CELF2: variants seen among roughly 807,000 people sequenced by gnomAD.
The protein encoded by CELF2 is CUGBP Elav-like family member 2.
Under a neutral mutation model 62.6 loss-of-function variants are expected in CELF2, and 8 were observed. The ratio of observed to expected loss-of-function variants is 0.13; its 90% CI spans 0.07 to 0.23. The LOEUF is 0.23. CELF2 is among the 10% of genes least tolerant of loss of function. The probability of loss-of-function intolerance (pLI) is 1.00; values close to 1 mark genes in which losing one functional copy is unlikely to be tolerated. For missense variants in CELF2, 333 were observed against 671.0 expected (o/e 0.50, Z 5.56); for synonymous variants, 258 against 250.0 (o/e 1.03, Z -0.30).
rs1288037276 is a variant in CELF2 at position 11,318,919 on chromosome 10, C to G, written c.1097-2270C>G. ...ACATGACAGGGCCTGAAAACTCCCA[C>G]CCGCAGCAGACAAGGCATCATGGTG... is the stretch of plus-strand genomic sequence containing the variant. On this transcript the variant is annotated intron_variant, in intron 10 of 12. Coordinates refer to ENST00000633077, the MANE Select transcript of CELF2 (RefSeq NM_001326342.2). This position sits in a 1 kb window ranked among gnomAD's most constrained non-coding sequence, Gnocchi z 5.4. 2 of 471,062 alleles carry G rather than the reference C, an allele frequency of 4.2e-6. No homozygotes were observed. The highest frequency in any genetic ancestry group is 2.0e-5 in the African/African-American group (1 of 50,060). 29.2% of individuals were successfully genotyped at this position (471,062 alleles called of 1,614,324 possible).
chr10:10,693,219 AG>A, the CELF2 span, among the ~76,000 whole-genome samples: 530 of 124,982 alleles, frequency 4.2e-3, 3 homozygotes, highest in African/African-American at 0.015. Flanking sequence ...TTTAGCATGA[AG>A]GGTTGTTGAA....
intron 3 of CELF2, among the ~76,000 whole-genome samples, chr10:11,229,823 C>G (rs916204611): frequency 3.3e-5 from 5 of 152,196 alleles, no homozygotes; most frequent in Non-Finnish European, 7.3e-5. Flanking sequence ...CTCCTAACCT[C>G]AAGTGATCCA....
the CELF2 span, among the ~76,000 whole-genome samples, chr10:10,618,507 G>A: frequency 6.6e-6 from 1 of 152,112 alleles, no homozygotes; most frequent in East Asian, 1.9e-4. Flanking sequence ...CCATATAATT[G>A]AGTTCAATGA....
intron 1 of CELF2, among the ~76,000 whole-genome samples, chr10:10,820,876 C>A (rs2056901668): frequency 6.6e-6 from 1 of 152,190 alleles, no homozygotes; most frequent in South Asian, 2.1e-4. Flanking sequence ...CAAGTTCATT[C>A]TGAGAATGGT....
chr10:10,644,084 A>T, the CELF2 span, among the ~76,000 whole-genome samples: 7 of 152,268 alleles, frequency 4.6e-5, no homozygotes, highest in East Asian at 1.4e-3. Flanking sequence ...CCAGCTGACA[A>T]AAGAGGTTTA....
rs1347314857 is a variant in CELF2, at chr10:11,211,791, T to TGTGA, written c.272-5633_272-5632insTGAG. ...GAGTGAGAGTGTGTGTGTATGTGTG[T>TGTGA]GAGAGAGAGAGAGAGAGAGAGAGTG... On this transcript the variant is annotated intron_variant, in intron 2 of 12. Transcript: ENST00000633077. The surrounding 1 kb of genome is among the most constrained non-coding windows in gnomAD (Gnocchi z 4.8). Among the ~76,000 whole-genome samples the TGTGA allele has an allele frequency of 1.0e-3, 141 of 135,646 alleles. 1 individual carries two copies. The highest frequency in any genetic ancestry group is 1.0e-2 in the East Asian group (45 of 4,518). 89.0% of individuals were successfully genotyped at this position (135,646 alleles called of 152,430 possible). A position where few individuals can be genotyped will look rare whatever the true frequency, so the allele number is the denominator to read the frequency against.
At chr10:10,463,992 G>A in the CELF2 span, among the ~76,000 whole-genome samples, 2 of 151,032 alleles carry the variant, frequency 1.3e-5, no homozygotes, top group African/African-American at 4.9e-5. Flanking sequence ...GATTTTGAAG[G>A]TTGTATGCTA....
the CELF2 span, among the ~76,000 whole-genome samples, chr10:10,646,811 C>T: frequency 8.5e-5 from 13 of 152,284 alleles, no homozygotes; most frequent in African/African-American, 2.6e-4. Context: ...ACTTCAGCTT[C>T]GCTTGGCATT....
rs2065121141 is a variant in CELF2 at position 11,159,046 on chromosome 10, TTTGTA to T, written c.75-6439_75-6435del. On this transcript the variant is annotated intron_variant, in intron 1 of 12. Transcript: ENST00000633077. This position sits in a 1 kb window ranked among gnomAD's most constrained non-coding sequence, Gnocchi z 5.0. ...TGACCATTTAGAGAAGGGCTTTGAC[TTTGTA>T]ATGTTTAGGGTATTTGCTCTGGTCA... 6.6e-6 allele frequency among the ~76,000 whole-genome samples: 1 copy of T among 152,238 alleles called. No homozygotes were observed. The highest frequency in any genetic ancestry group is 1.5e-5 in the Non-Finnish European group (1 of 68,044).
rs964300051 is a variant in CELF2 at position 11,201,754 on chromosome 10, T to A, written c.272-15671T>A. The stretch of plus-strand genomic sequence containing the variant: ...ACTGCCCTATAGATGACCAGGCCTT[T>A]CGCCTGGAAAGCCTGAGCTGAGGGG... On this transcript the variant is annotated intron_variant, in intron 2 of 12. Coordinates refer to ENST00000633077, the MANE Select transcript of CELF2 (RefSeq NM_001326342.2). Among the ~76,000 whole-genome samples, 6 of 152,232 alleles carry A rather than the reference T, an allele frequency of 3.9e-5. 1 individual carries two copies. The highest frequency in any genetic ancestry group is 3.9e-4 in the Admixed American group (6 of 15,292).
intron 2 of CELF2, among the ~76,000 whole-genome samples, chr10:11,210,442 C>T (rs2061529159): frequency 6.6e-6 from 1 of 152,168 alleles, no homozygotes; most frequent in Admixed American, 6.5e-5. Context: ...TTTTATTTGA[C>T]CAGCTTTGCC....
chr10:11,249,428 C>A (rs1036607810), intron 4 of CELF2, among the ~76,000 whole-genome samples: 1 of 152,186 alleles, frequency 6.6e-6, no homozygotes, highest in Non-Finnish European at 1.5e-5. Flanking sequence ...GAGGCTGTTA[C>A]AAGCAGTGGC....
At position 11,285,878 on chromosome 10, in the gene CELF2, T is replaced by TGTGTGTGTGTG. The variant is rs1491346882; in HGVS notation, c.842-2540_842-2539insGTGTGTGTGTG. 1.2e-4 allele frequency among the ~76,000 whole-genome samples: 13 copies of TGTGTGTGTGTG among 105,140 alleles called. No individual in the cohort carries two copies. The highest frequency in any genetic ancestry group is 7.7e-4 in the East Asian group (3 of 3,880). The allele number at this position is 105,140 out of a possible 152,430, so 69.0% of individuals were successfully genotyped here. A position where few individuals can be genotyped will look rare whatever the true frequency, so the allele number is the denominator to read the frequency against. On this transcript the variant is annotated intron_variant, in intron 8 of 12. Coordinates refer to ENST00000633077, the MANE Select transcript of CELF2 (RefSeq NM_001326342.2). This position sits in a 1 kb window ranked among gnomAD's most constrained non-coding sequence, Gnocchi z 4.3. ...GTGTGTGTGTGTGTGTGTGTGTGTG[T>TGTGTGTGTGTG]TTTTACATGGACTTGAAAATGAGTA... is the stretch of plus-strand genomic sequence containing the variant.
intron 1 of CELF2, among the ~76,000 whole-genome samples, chr10:10,877,989 C>A (rs1187718194): frequency 1.3e-5 from 2 of 152,120 alleles, no homozygotes; most frequent in African/African-American, 4.8e-5. Context: ...AAAGAAAATT[C>A]ATAAACCAAG....
rs369055475 is a variant in CELF2, at chr10:11,237,917, C to T, written c.355-11236C>T. Among the ~76,000 whole-genome samples the T allele has an allele frequency of 1.2e-4, 19 of 152,336 alleles. No individual in the cohort carries two copies. Among genetic ancestry groups the T allele is most frequent in the African/African-American group, 4.3e-4 (18 of 41,578 alleles). ...TAATGGTAAAAACCACAATCACTTT[C>T]GTACAAACCTAATAGAATCTAGGAT... On this transcript the variant is annotated intron_variant, in intron 3 of 12. Coordinates refer to ENST00000633077, the MANE Select transcript of CELF2 (RefSeq NM_001326342.2). The surrounding 1 kb of genome is among the most constrained non-coding windows in gnomAD (Gnocchi z 4.0).
chr10:10,684,706 T>C, the CELF2 span, among the ~76,000 whole-genome samples: 1 of 152,124 alleles, frequency 6.6e-6, no homozygotes, highest in Non-Finnish European at 1.5e-5. Flanking sequence ...ATTACATGAC[T>C]GTGCTCCAGC....
intron 1 of CELF2, among the ~76,000 whole-genome samples, chr10:11,125,064 A>G (rs1393007140): frequency 6.6e-6 from 1 of 152,120 alleles, no homozygotes; most frequent in East Asian, 1.9e-4. Flanking sequence ...TCTAATGGGA[A>G]CCACTTAGCT....
chr10:11,138,111 G>A (rs766449778), intron 1 of CELF2, among the ~76,000 whole-genome samples: 11 of 151,468 alleles, frequency 7.3e-5, no homozygotes, highest in Non-Finnish European at 1.2e-4. Flanking sequence ...GTTATTTCTA[G>A]CACATTAAAA....
At chr10:10,668,139 AAC>A in the CELF2 span, among the ~76,000 whole-genome samples, 1 of 152,226 alleles carries the variant, frequency 6.6e-6, no homozygotes, top group Non-Finnish European at 1.5e-5. Flanking sequence ...TGACATTTTT[AAC>A]AGTTTTATGG....
Sources: allele counts gnomAD v4.1 joint callset (sites outside exome capture counted in the v4.1 genomes callset), GRCh38; gene constraint gnomAD v4.1.1; non-coding constraint Gnocchi (gnomAD v3.1); transcripts MANE v1.5; gene names NCBI Gene and HGNC (gene_info 2026-07-23, HGNC 2026-07-21).